SLC9A9: variants seen among roughly 807,000 people sequenced by gnomAD.
The protein encoded by SLC9A9 is sodium/hydrogen exchanger 9.
Under a neutral mutation model 77.8 loss-of-function variants are expected in SLC9A9, and 62 were observed. That is an observed-to-expected ratio of 0.80 (90% CI 0.65 to 0.98). SLC9A9 has a LOEUF of 0.98. Among genes scored for constraint, SLC9A9 ranks in the 50% least tolerant of loss-of-function variants. The pLI, the probability that SLC9A9 is intolerant of heterozygous loss-of-function variation, is 0.00. For missense variants in SLC9A9, 775 were observed against 774.9 expected (o/e 1.00, Z 0.00); for synonymous variants, 320 against 283.5 (o/e 1.13, Z -1.29).
At chr3:143,294,361 G>A (rs6806500) in intron 14 of SLC9A9, among the ~76,000 whole-genome samples, 41,861 of 152,078 alleles carry the variant, frequency 0.28, 9,741 homozygotes, top group African/African-American at 0.64. Flanking sequence ...TCAACTGACA[G>A]CAACACCTTT....
chr3:143,534,808 C>T (rs2036567005), intron 9 of SLC9A9, among the ~76,000 whole-genome samples: 2 of 152,168 alleles, frequency 1.3e-5, no homozygotes, highest in Admixed American at 1.3e-4. Flanking sequence ...TAAATACATT[C>T]AGTTTGGCTT....
intron 4 of SLC9A9, among the ~76,000 whole-genome samples, chr3:143,777,935 G>A (rs1020442201): frequency 7.5e-5 from 11 of 146,978 alleles, no homozygotes; most frequent in African/African-American, 2.8e-4. Context: ...GGCTGGTCTT[G>A]AACTTCTGAC....
intron 6 of SLC9A9, among the ~76,000 whole-genome samples, chr3:143,611,785 G>A (rs1027671384): frequency 6.6e-6 from 1 of 152,134 alleles, no homozygotes; most frequent in African/African-American, 2.4e-5. Context: ...TCAAGTTGGA[G>A]TGCAGTGATC....
Position 143,848,337 on chromosome 3 carries a change from G to A in SLC9A9, c.-15C>T. ...TGTCTCTCCATTCCCCAGTCTTCTT[G>A]GGATTCCTTAGATAAAAACCTGGAT... On this transcript the variant is annotated 5_prime_UTR_variant, in exon 1 of 16. Transcript: ENST00000316549. 3.1e-6 allele frequency: 5 copies of A among 1,613,792 alleles called. No homozygotes were observed. The highest frequency in any genetic ancestry group is 4.2e-6 in the Non-Finnish European group (5 of 1,179,788).
At chr3:143,733,061 T>C (rs774393575) in intron 4 of SLC9A9, among the ~76,000 whole-genome samples, 13 of 152,188 alleles carry the variant, frequency 8.5e-5, no homozygotes, top group Non-Finnish European at 1.3e-4. Context: ...TCCCAAGTAA[T>C]TTCTTTCATG....
intron 5 of SLC9A9, among the ~76,000 whole-genome samples, chr3:143,672,977 C>G (rs1299155544): frequency 6.6e-6 from 1 of 152,134 alleles, no homozygotes; most frequent in African/African-American, 2.4e-5. Context: ...TAGAAAGGGG[C>G]TTCAGATTAT....
chr3:143,321,525 A>T (rs1576423432), intron 14 of SLC9A9, among the ~76,000 whole-genome samples: 2 of 152,168 alleles, frequency 1.3e-5, no homozygotes. Context: ...CCAGCTCTTC[A>T]TTGGCTGCCT....
chr3:143,374,403 A>G (rs191504263), intron 13 of SLC9A9, among the ~76,000 whole-genome samples: 2,496 of 127,744 alleles, frequency 0.02, 34 homozygotes, highest in Middle Eastern at 0.035. Context: ...CCAGCCTGGG[A>G]GACAGCGAGA....
intron 6 of SLC9A9, among the ~76,000 whole-genome samples, chr3:143,603,972 C>G (rs552941691): frequency 3.9e-5 from 6 of 152,154 alleles, no homozygotes; most frequent in Non-Finnish European, 8.8e-5. Flanking sequence ...TTGTCTATGA[C>G]GTCACTTCAT....
chr3:143,406,244 T>C (rs2033976205), intron 12 of SLC9A9, among the ~76,000 whole-genome samples: 1 of 152,218 alleles, frequency 6.6e-6, no homozygotes, highest in South Asian at 2.1e-4. Flanking sequence ...CATAAATCTT[T>C]CAAAACACAT....
intron 5 of SLC9A9, among the ~76,000 whole-genome samples, chr3:143,669,116 C>A (rs1335024965): frequency 6.6e-6 from 1 of 152,132 alleles, no homozygotes; most frequent in Non-Finnish European, 1.5e-5. Flanking sequence ...GAGTGAGTGC[C>A]TTCTTAAATT....
At chr3:143,494,796 G>A (rs1490384556) in intron 10 of SLC9A9, among the ~76,000 whole-genome samples, 1 of 152,218 alleles carries the variant, frequency 6.6e-6, no homozygotes, top group Admixed American at 6.5e-5. Context: ...AAGGAAGGGT[G>A]CTATCTTATT....
intron 2 of SLC9A9, among the ~76,000 whole-genome samples, chr3:143,830,511 T>C (rs2009407822): frequency 6.6e-6 from 1 of 152,222 alleles, no homozygotes; most frequent in Non-Finnish European, 1.5e-5. Context: ...ACAAAATTTC[T>C]GGTCAGGCAT....
At chr3:143,725,135 G>T (rs1934606055) in intron 4 of SLC9A9, among the ~76,000 whole-genome samples, 1 of 152,086 alleles carries the variant, frequency 6.6e-6, no homozygotes, top group African/African-American at 2.4e-5. Context: ...TTATTTAAAG[G>T]CTTTGAAGAC....
intron 12 of SLC9A9, among the ~76,000 whole-genome samples, chr3:143,416,495 C>T (rs1375075287): frequency 6.6e-6 from 1 of 152,152 alleles, no homozygotes; most frequent in Non-Finnish European, 1.5e-5. Context: ...AGGCAAGACC[C>T]TCCACCAGCA....
chr3:143,831,985 A>G, intron 2 of SLC9A9, 34 bp downstream of exon 2: 1 of 1,570,290 alleles, frequency 6.4e-7, no homozygotes, highest in Non-Finnish European at 8.7e-7. Flanking sequence ...TTTATACTGT[A>G]AAACAAATAT....
chr3:143,584,155 G>A (rs13069703), intron 6 of SLC9A9, among the ~76,000 whole-genome samples: 16,962 of 151,766 alleles, frequency 0.11, 1,157 homozygotes, highest in East Asian at 0.16. Context: ...GTGGCCTTAC[G>A]GAGTCATCTC....
chr3:143,688,075 T>A (rs1056836803), intron 5 of SLC9A9, among the ~76,000 whole-genome samples: 1 of 151,292 alleles, frequency 6.6e-6, no homozygotes, highest in Admixed American at 6.6e-5. Flanking sequence ...CCTCCCTTCT[T>A]TATTTCTTTT....
At chr3:143,724,270 C>T (rs907612286) in intron 4 of SLC9A9, among the ~76,000 whole-genome samples, 1 of 152,134 alleles carries the variant, frequency 6.6e-6, no homozygotes, top group African/African-American at 2.4e-5. Context: ...GCTCTCTCTC[C>T]CCTTCCACCA....
Sources: allele counts gnomAD v4.1 joint callset (sites outside exome capture counted in the v4.1 genomes callset), GRCh38; gene constraint gnomAD v4.1.1; transcripts MANE v1.5; gene names NCBI Gene and HGNC (gene_info 2026-07-23, HGNC 2026-07-21).